Variants in DLGAP5 observed in about 807,000 individuals in gnomAD.
DLGAP5 encodes disks large-associated protein 5.
Under a neutral mutation model 99.6 loss-of-function variants are expected in DLGAP5, and 90 were observed. The ratio of observed to expected loss-of-function variants is 0.90; its 90% CI spans 0.76 to 1.08. The LOEUF is 1.08. DLGAP5 is among the 50% of genes least tolerant of loss of function. The pLI is 0.00. For missense variants in DLGAP5, 1,036 were observed against 983.5 expected (o/e 1.05, Z -0.71); for synonymous variants, 311 against 321.3 (o/e 0.97, Z 0.34).
chr14:55,176,960 A>C (rs1883083655), intron 8 of DLGAP5, 102 bp downstream of exon 8: 1 of 1,023,914 alleles, frequency 9.8e-7, no homozygotes, highest in South Asian at 3.4e-5. Context: ...CCTGGGCGAC[A>C]GAGCGAACTC....
At chr14:55,156,565 C>T (rs1454623879) in intron 14 of DLGAP5, among the ~76,000 whole-genome samples, 2 of 152,112 alleles carry the variant, frequency 1.3e-5, no homozygotes, top group African/African-American at 4.8e-5. Context: ...ATAATGGCCC[C>T]GCTAACAGAA....
intron 12 of DLGAP5, among the ~76,000 whole-genome samples, chr14:55,166,875 TG>T (rs1882661847): frequency 6.7e-6 from 1 of 148,810 alleles, no homozygotes; most frequent in African/African-American, 2.5e-5. Context: ...AGCTCTTTTG[TG>T]TTTAAAAAAA....
rs1883092674 is a variant in DLGAP5 at position 55,177,052 on chromosome 14, A to T, written c.1049+10T>A. 1 of 1,398,026 alleles carries T rather than the reference A, an allele frequency of 7.2e-7. No homozygotes were observed. Among genetic ancestry groups the T allele is most frequent in the African/African-American group, 1.5e-5 (1 of 67,236 alleles). 86.6% of individuals were successfully genotyped at this position (1,398,026 alleles called of 1,614,324 possible). A position where few individuals can be genotyped will look rare whatever the true frequency, so the allele number is the denominator to read the frequency against. On this transcript the variant is annotated intron_variant, in intron 8 of 18. Coordinates refer to ENST00000247191, the MANE Select transcript of DLGAP5 (RefSeq NM_014750.5). ...TAGCAAGAGACTTATTATTAAGATC[A>T]TATTCTTACACTTCTGTTTTTAAAG...
intron 7 of DLGAP5, among the ~76,000 whole-genome samples, chr14:55,178,476 T>C (rs1278406434): frequency 6.6e-6 from 1 of 152,240 alleles, no homozygotes; most frequent in Non-Finnish European, 1.5e-5. Context: ...AAATAATTTC[T>C]AGAGGTTTCC....
chr14:55,180,942 C>A (rs1196775125), intron 5 of DLGAP5, among the ~76,000 whole-genome samples, 164 bp from the exon 6 acceptor site: 3 of 152,112 alleles, frequency 2.0e-5, no homozygotes, highest in African/African-American at 7.2e-5. Context: ...CATAGTGAGA[C>A]CCCGTCTCTA....
chr14:55,175,771 C>T, intron 9 of DLGAP5, 123 bp downstream of exon 9: 3 of 877,194 alleles, frequency 3.4e-6, no homozygotes, highest in East Asian at 2.8e-5. Context: ...TGAAAAAGAG[C>T]TCCAAACAAA....
Position 55,176,138 on chromosome 14 carries a change from A to T in DLGAP5, c.1050-120T>A, listed in dbSNP as rs984621397. 3 of 887,136 alleles carry T rather than the reference A, an allele frequency of 3.4e-6. No individual in the cohort carries two copies. The African/African-American group carries it at 5.0e-5, about 15-fold the overall frequency. 55.0% of individuals were successfully genotyped at this position (887,136 alleles called of 1,614,324 possible). On this transcript the variant is annotated intron_variant, in intron 8 of 18. Transcript: ENST00000247191. ...AAAATAGAAATGTTTCTATTTTTTT[A>T]AAATGTGTATTCTGGAGGGGAGAAA...
intron 2 of DLGAP5, among the ~76,000 whole-genome samples, chr14:55,184,389 C>A (rs952761875): frequency 6.6e-6 from 1 of 152,102 alleles, no homozygotes; most frequent in African/African-American, 2.4e-5. Context: ...ATTCATTTTG[C>A]CTTCATGTGT....
At chr14:55,163,969 GT>G (rs147222767) in intron 12 of DLGAP5, among the ~76,000 whole-genome samples, 146 of 152,178 alleles carry the variant, frequency 9.6e-4, no homozygotes, top group Non-Finnish European at 1.7e-3. Context: ...CTCCGAATCT[GT>G]GCCTTGTCTT....
At chr14:55,184,203 G>T (rs1883361718) in intron 2 of DLGAP5, among the ~76,000 whole-genome samples, 1 of 152,060 alleles carries the variant, frequency 6.6e-6, no homozygotes, top group Non-Finnish European at 1.5e-5. Context: ...CACACCTGTA[G>T]TCCCATCTAC....
Position 55,169,494 on chromosome 14 carries a change from A to G in DLGAP5, c.1453T>C (p.Phe485Leu), listed in dbSNP as rs1882775386. ...RLLMKERFKQFEGLVDDCEYK... is the reference protein window; with the variant it reads ...RLLMKERFKQLEGLVDDCEYK... Reference sequence around the variant, plus strand: ...TCACAATCATCAACCAGTCCTTCAAACTGTTTAAACCTTTCCTTCATAAGG... The same window carrying G: ...TCACAATCATCAACCAGTCCTTCAAGCTGTTTAAACCTTTCCTTCATAAGG... The change falls in exon 12 of 19, where the codon TTT becomes CTT. Residue 485 changes from phenylalanine (F) to leucine (L), a missense_variant. By Grantham distance (22) the Phe-to-Leu change is conservative. Transcript: ENST00000247191. 3.7e-6 allele frequency: 6 copies of G among 1,613,236 alleles called. No homozygotes were observed. Among genetic ancestry groups the G allele is most frequent in the Non-Finnish European group, 5.1e-6 (6 of 1,179,706 alleles).
chr14:55,171,342 G>C (rs1249758676), intron 10 of DLGAP5, among the ~76,000 whole-genome samples: 1 of 152,078 alleles, frequency 6.6e-6, no homozygotes, highest in East Asian at 1.9e-4. Flanking sequence ...AGTGCTACTG[G>C]CCAGGGATGC....
chr14:55,174,058 A>G (rs1049126880), intron 10 of DLGAP5, among the ~76,000 whole-genome samples: 2 of 152,294 alleles, frequency 1.3e-5, no homozygotes, highest in South Asian at 2.1e-4. Context: ...GAACAGAGCC[A>G]TATTTCTCTT....
Position 55,154,640 on chromosome 14 carries a change from C to T in DLGAP5, c.2040G>A (p.Leu680=), listed in dbSNP as rs1205805599. ...NTKSEHVKKT[L]FLSIPESRSS... ...ACCTGCTTTCAGGAATACTCAAAAA[C>T]AAAGTCTTCTTCACATGTTCACTTT... The change falls in exon 15 of 19, where the codon TTG becomes TTA. Residue 680 remains leucine (L), a synonymous_variant. Transcript: ENST00000247191. 1 of 1,613,956 alleles carries T rather than the reference C, an allele frequency of 6.2e-7. No individual in the cohort carries two copies. Among genetic ancestry groups the T allele is most frequent in the Admixed American group, 1.7e-5 (1 of 59,982 alleles).
chr14:55,154,303 T>C (rs1029381611), intron 15 of DLGAP5, among the ~76,000 whole-genome samples: 2 of 152,206 alleles, frequency 1.3e-5, no homozygotes, highest in African/African-American at 4.8e-5. Flanking sequence ...GCATAGCTAG[T>C]AAGTCACAGA....
At chr14:55,174,633 G>A (rs542448018) in intron 10 of DLGAP5, among the ~76,000 whole-genome samples, 1 of 152,098 alleles carries the variant, frequency 6.6e-6, no homozygotes, top group African/African-American at 2.4e-5. Flanking sequence ...AATGCTTAAG[G>A]AAAACAGAAA....
At chr14:55,170,847 T>A in intron 10 of DLGAP5, 60 bp from the exon 11 acceptor site, 1 of 1,188,518 alleles carries the variant, frequency 8.4e-7, no homozygotes. Context: ...AGCTAAGTAT[T>A]AGCATAACAT....
chr14:55,174,968 C>T (rs758054165), intron 10 of DLGAP5, among the ~76,000 whole-genome samples: 26 of 152,106 alleles, frequency 1.7e-4, no homozygotes, highest in Non-Finnish European at 2.8e-4. Flanking sequence ...GGATTACAGG[C>T]GTGAGCCACC....
At position 55,154,763 on chromosome 14, in the gene DLGAP5, T is replaced by G; in HGVS notation, c.1917A>C (p.Thr639=). The change falls in exon 15 of 19, where the codon ACA becomes ACC. Residue 639 remains threonine, a synonymous_variant. Transcript: ENST00000247191. ...SSEGPSQRLG[T]PKSVNKAVSQ... The stretch of plus-strand genomic sequence containing the variant: ...ATACAGCTTTGTTGACAGACTTAGG[T>G]GTTCCAAGTCTTTGAGAAGGGCCTT... 6.2e-7 allele frequency: 1 copy of G among 1,614,144 alleles called. No homozygotes were observed. Among genetic ancestry groups the G allele is most frequent in the Non-Finnish European group, 8.5e-7 (1 of 1,180,014 alleles).
Sources: allele counts gnomAD v4.1 joint callset (sites outside exome capture counted in the v4.1 genomes callset), GRCh38; gene constraint gnomAD v4.1.1; transcripts MANE v1.5; gene names NCBI Gene and HGNC (gene_info 2026-07-23, HGNC 2026-07-21).